TMED10: variants seen among roughly 807,000 people sequenced by gnomAD.
TMED10 encodes transmembrane p24 trafficking protein 10, also known as transmembrane emp24 domain-containing protein 10.
A neutral mutation model predicts 23.1 loss-of-function variants in TMED10; 7 were observed. The observed-to-expected ratio is 0.30, with a 90% CI of 0.17 to 0.57. The LOEUF (loss-of-function observed/expected upper bound fraction) is 0.57, where lower values mean the gene tolerates loss of function less well. TMED10 is among the 20% of genes least tolerant of loss of function. The pLI, the probability that TMED10 is intolerant of heterozygous loss-of-function variation, is 0.91. For missense variants in TMED10, 162 were observed against 274.8 expected (o/e 0.59, Z 2.90); for synonymous variants, 113 against 106.9 (o/e 1.06, Z -0.35).
rs537899028 is a variant in TMED10, at chr14:75,157,628, C to A, written c.226-5485G>T. ...TTGTGCCACTGCACTCCAGCCTGGGCAACAGAGTGAGAACATGTCTCAATA... is the reference window on the plus strand; with the variant it reads ...TTGTGCCACTGCACTCCAGCCTGGGAAACAGAGTGAGAACATGTCTCAATA... On this transcript the variant is annotated intron_variant, in intron 1 of 4. Coordinates refer to ENST00000303575, the MANE Select transcript of TMED10 (RefSeq NM_006827.6). 3.0e-5 allele frequency among the ~76,000 whole-genome samples: 4 copies of A among 133,776 alleles called. No individual in the cohort carries two copies. In the South Asian group the frequency reaches 1.0e-3, roughly 35 times the overall value. The allele number at this position is 133,776 out of a possible 152,430, so 87.8% of individuals were successfully genotyped here. A position where few individuals can be genotyped will look rare whatever the true frequency, so the allele number is the denominator to read the frequency against.
intron 1 of TMED10, among the ~76,000 whole-genome samples, chr14:75,165,801 A>T (rs554682854): frequency 3.0e-4 from 45 of 152,216 alleles, no homozygotes; most frequent in Non-Finnish European, 5.9e-4. Context: ...ATAGTACATA[A>T]GTATTGCTTA....
chr14:75,145,813 AT>A (rs1345478464), intron 3 of TMED10, among the ~76,000 whole-genome samples: 1 of 152,150 alleles, frequency 6.6e-6, no homozygotes, highest in African/African-American at 2.4e-5. Context: ...AATACCCTTA[AT>A]GACAGGCATC....
At chr14:75,154,708 G>A (rs1171578449) in intron 1 of TMED10, among the ~76,000 whole-genome samples, 2 of 151,988 alleles carry the variant, frequency 1.3e-5, no homozygotes, top group African/African-American at 4.8e-5. Context: ...CTGTCACCCA[G>A]GCTGGAGTGC....
intron 1 of TMED10, among the ~76,000 whole-genome samples, chr14:75,173,089 G>GA (rs1896255022): frequency 6.6e-6 from 1 of 152,156 alleles, no homozygotes; most frequent in African/African-American, 2.4e-5. Flanking sequence ...TATTTCATTT[G>GA]AAAAATCAGA....
At chr14:75,139,700 A>G (rs1366078939) in intron 3 of TMED10, among the ~76,000 whole-genome samples, 1 of 151,776 alleles carries the variant, frequency 6.6e-6, no homozygotes, top group Non-Finnish European at 1.5e-5. Flanking sequence ...TCAGACCTTC[A>G]TTAGTGGGAT....
intron 1 of TMED10, among the ~76,000 whole-genome samples, chr14:75,156,609 A>G (rs1429326076): frequency 2.0e-5 from 3 of 152,146 alleles, no homozygotes; most frequent in African/African-American, 7.2e-5. Context: ...TTCATTTGAA[A>G]TCTCTTAATT....
intron 1 of TMED10, 106 bp from the exon 2 acceptor site, chr14:75,152,249 T>C: frequency 1.2e-6 from 1 of 845,920 alleles, no homozygotes; most frequent in Non-Finnish European, 1.8e-6. Flanking sequence ...AATTGATAGT[T>C]CTCATTATGA....
At chr14:75,137,963 C>A (rs1198703937) in intron 3 of TMED10, among the ~76,000 whole-genome samples, 1 of 152,136 alleles carries the variant, frequency 6.6e-6, no homozygotes, top group Non-Finnish European at 1.5e-5. Flanking sequence ...TCCACCTCGA[C>A]CTCCCAAAGT....
chr14:75,166,091 C>A (rs1896158406), intron 1 of TMED10, among the ~76,000 whole-genome samples: 1 of 152,102 alleles, frequency 6.6e-6, no homozygotes, highest in Admixed American at 6.5e-5. Flanking sequence ...GAAGCCAGAT[C>A]AAATGTTTTT....
Position 75,147,185 on chromosome 14 carries a change from GTTTTTTTT to G in TMED10, c.411+471_411+478del, listed in dbSNP as rs71119349. On this transcript the variant is annotated intron_variant, in intron 3 of 4. Coordinates refer to ENST00000303575, the MANE Select transcript of TMED10 (RefSeq NM_006827.6). ...ACAGCCAGAATTATTCTTCAAGGCT[GTTTTTTTT>G]TTTTTTTTTTTTTGAGATGGAGCCT... Among the ~76,000 whole-genome samples the G allele has an allele frequency of 2.6e-3, 306 of 116,598 alleles. 7 individuals carry two copies. Among genetic ancestry groups the G allele is most frequent in the African/African-American group, 9.5e-3 (250 of 26,284 alleles). 76.5% of individuals were successfully genotyped at this position (116,598 alleles called of 152,430 possible).
chr14:75,162,724 A>C (rs1053380255), intron 1 of TMED10, among the ~76,000 whole-genome samples: 15 of 152,208 alleles, frequency 9.9e-5, no homozygotes, highest in African/African-American at 3.6e-4. Flanking sequence ...CATCCAAATG[A>C]TCAAGGGCAG....
At chr14:75,136,676 T>TTTAA (rs1193219145) in intron 3 of TMED10, 1 of 152,258 alleles carries the variant, frequency 6.6e-6, no homozygotes, top group African/African-American at 2.4e-5. Context: ...TAGAGAATTC[T>TTTAA]GGTTCATATA....
chr14:75,168,448 T>G (rs923063067), intron 1 of TMED10, among the ~76,000 whole-genome samples: 2 of 152,188 alleles, frequency 1.3e-5, no homozygotes, highest in South Asian at 2.1e-4. Flanking sequence ...ACATATAGCA[T>G]GAGGGGCTCT....
chr14:75,138,348 T>G (rs2139831920), intron 3 of TMED10, among the ~76,000 whole-genome samples: 1 of 152,354 alleles, frequency 6.6e-6, no homozygotes, highest in African/African-American at 2.4e-5. Context: ...GCACATTTTC[T>G]TGCGTTTGTA....
At chr14:75,154,373 G>T (rs148695323) in intron 1 of TMED10, among the ~76,000 whole-genome samples, 2,638 of 100,986 alleles carry the variant, frequency 0.026, 106 homozygotes, top group African/African-American at 0.092. Flanking sequence ...CTGCACTCCA[G>T]CCTGGGCAAC....
At chr14:75,169,162 A>C (rs1003468633) in intron 1 of TMED10, among the ~76,000 whole-genome samples, 1 of 152,238 alleles carries the variant, frequency 6.6e-6, no homozygotes, top group African/African-American at 2.4e-5. Flanking sequence ...GCCTTATTTT[A>C]GACAAGCATT....
In TMED10 at chr14:75,132,503, A is replaced by G. The variant is rs533081940; in HGVS notation, c.*2382T>C. On this transcript the variant is annotated 3_prime_UTR_variant, in exon 5 of 5. Transcript: ENST00000303575. The stretch of plus-strand genomic sequence containing the variant: ...GTAATACTACAGATAGACTTTCTCA[A>G]CATTTGCTGCCTATGCTAAGGATCT... 5.9e-5 allele frequency: 9 copies of G among 151,794 alleles called. No individual in the cohort carries two copies. Among genetic ancestry groups the G allele is most frequent in the Non-Finnish European group, 1.2e-4 (8 of 67,978 alleles). 9.4% of individuals were successfully genotyped at this position (151,794 alleles called of 1,614,324 possible).
chr14:75,142,581 T>G (rs1895836327), intron 3 of TMED10, among the ~76,000 whole-genome samples: 1 of 152,214 alleles, frequency 6.6e-6, no homozygotes, highest in Non-Finnish European at 1.5e-5. Flanking sequence ...TGTCACACAG[T>G]TAACACTCAA....
intron 1 of TMED10, among the ~76,000 whole-genome samples, chr14:75,169,337 C>G (rs747175632): frequency 6.6e-6 from 1 of 152,110 alleles, no homozygotes; most frequent in Non-Finnish European, 1.5e-5. Context: ...TCAGATTAAC[C>G]AAGGCACTAT....
Sources: allele counts gnomAD v4.1 joint callset (sites outside exome capture counted in the v4.1 genomes callset), GRCh38; gene constraint gnomAD v4.1.1; transcripts MANE v1.5; gene names NCBI Gene and HGNC (gene_info 2026-07-23, HGNC 2026-07-21).